The following ARHGAP15 variants were observed in gnomAD, a reference collection of about 807,000 sequenced individuals.
The protein encoded by ARHGAP15 is rho GTPase-activating protein 15.
ARHGAP15 carries 51 observed loss-of-function variants against 63.7 expected under a neutral mutation model. The observed-to-expected ratio is 0.80, with a 90% CI of 0.64 to 1.01. The LOEUF is 1.01. Ranked by LOEUF, ARHGAP15 falls within the 50% of genes least tolerant of loss-of-function variation. The probability of loss-of-function intolerance (pLI) is 0.00; values close to 1 mark genes in which losing one functional copy is unlikely to be tolerated. For missense variants in ARHGAP15, 560 were observed against 564.6 expected, an observed-to-expected ratio of 0.99 and a Z score of 0.08; for synonymous variants, 191 against 193.8, an observed-to-expected ratio of 0.99 and a Z score of 0.12.
At chr2:143,332,114 C>G (rs1428998263) in intron 6 of ARHGAP15, among the ~76,000 whole-genome samples, 1 of 152,096 alleles carries the variant, frequency 6.6e-6, no homozygotes, top group Non-Finnish European at 1.5e-5. Flanking sequence ...TAAAATTGTA[C>G]CCTTCCTTTC....
intron 5 of ARHGAP15, among the ~76,000 whole-genome samples, chr2:143,231,398 G>T (rs1693435633): frequency 6.6e-6 from 1 of 152,058 alleles, no homozygotes; most frequent in Non-Finnish European, 1.5e-5. Flanking sequence ...CATCATGCAT[G>T]ACCTCCAAAA....
intron 5 of ARHGAP15, among the ~76,000 whole-genome samples, chr2:143,249,762 A>G (rs1317158886): frequency 6.6e-6 from 1 of 152,130 alleles, no homozygotes; most frequent in Admixed American, 6.5e-5. Context: ...ATTATTGTGA[A>G]TTATTGAAAT....
chr2:143,652,381 G>A (rs568429062), intron 12 of ARHGAP15, among the ~76,000 whole-genome samples: 3 of 152,030 alleles, frequency 2.0e-5, no homozygotes, highest in South Asian at 2.1e-4. Flanking sequence ...GAAGTATACC[G>A]CAGGTCATAG....
chr2:143,321,998 CTAA>C (rs1558891650), intron 6 of ARHGAP15, among the ~76,000 whole-genome samples: 2 of 152,204 alleles, frequency 1.3e-5, no homozygotes, highest in East Asian at 3.8e-4. Flanking sequence ...GATACAAGCT[CTAA>C]TAATAATCAC....
chr2:143,706,715 C>G (rs1313442223), intron 13 of ARHGAP15: 1 of 152,156 alleles, frequency 6.6e-6, no homozygotes, highest in Non-Finnish European at 1.5e-5. Context: ...CTTAATCAAA[C>G]TCAGGGTCAA....
At chr2:143,730,794 C>T (rs926941481) in intron 13 of ARHGAP15, among the ~76,000 whole-genome samples, 12 of 143,064 alleles carry the variant, frequency 8.4e-5, no homozygotes, top group Admixed American at 8.1e-4. Flanking sequence ...CTTCCAGATA[C>T]ATATAGAAGG....
intron 11 of ARHGAP15, among the ~76,000 whole-genome samples, chr2:143,573,299 T>C (rs1396729517): frequency 6.6e-6 from 1 of 152,216 alleles, no homozygotes; most frequent in Admixed American, 6.5e-5. Flanking sequence ...TCTCTTGTTC[T>C]TCTAGAGAAA....
At chr2:143,734,682 T>C (rs1685676923) in intron 13 of ARHGAP15, among the ~76,000 whole-genome samples, 1 of 152,196 alleles carries the variant, frequency 6.6e-6, no homozygotes, top group African/African-American at 2.4e-5. Context: ...CTCATATAAT[T>C]TGATTTATTT....
At chr2:143,424,884 A>G (rs1161330775) in intron 6 of ARHGAP15, among the ~76,000 whole-genome samples, 3 of 152,104 alleles carry the variant, frequency 2.0e-5, no homozygotes. Flanking sequence ...GACCAATGAC[A>G]GGTATTCACT....
intron 2 of ARHGAP15, among the ~76,000 whole-genome samples, chr2:143,196,321 T>C (rs990314079): frequency 2.7e-4 from 41 of 152,022 alleles, no homozygotes; most frequent in African/African-American, 9.7e-4. Context: ...GTTTTTTCAA[T>C]GGTAGTTACA....
At chr2:143,613,718 T>C (rs1244926953) in intron 11 of ARHGAP15, among the ~76,000 whole-genome samples, 3 of 152,194 alleles carry the variant, frequency 2.0e-5, no homozygotes, top group African/African-American at 7.2e-5. Context: ...TCTGCACCTG[T>C]TTCTTATTAA....
intron 2 of ARHGAP15, among the ~76,000 whole-genome samples, chr2:143,163,985 G>A (rs567216110): frequency 3.3e-5 from 5 of 152,100 alleles, no homozygotes; most frequent in South Asian, 2.1e-4. Flanking sequence ...ATCCCTAAAC[G>A]GTTGATTAGC....
intron 6 of ARHGAP15, among the ~76,000 whole-genome samples, chr2:143,260,195 T>C (rs1680648746): frequency 6.6e-6 from 1 of 152,176 alleles, no homozygotes; most frequent in South Asian, 2.1e-4. Context: ...ATTATTCAGT[T>C]CACATCGCAC....
chr2:143,209,185 A>C (rs1692472438), intron 3 of ARHGAP15, among the ~76,000 whole-genome samples: 1 of 151,802 alleles, frequency 6.6e-6, no homozygotes, highest in African/African-American at 2.4e-5. Context: ...CTGCTGAAAA[A>C]CTCTAAAAGC....
intron 8 of ARHGAP15, among the ~76,000 whole-genome samples, chr2:143,458,772 A>G (rs376508940): frequency 6.6e-6 from 1 of 152,158 alleles, no homozygotes; most frequent in South Asian, 2.1e-4. Context: ...CTGTTTTGAC[A>G]TTTTCATAGT....
At chr2:143,574,433 C>G (rs1696586629) in intron 11 of ARHGAP15, among the ~76,000 whole-genome samples, 1 of 151,698 alleles carries the variant, frequency 6.6e-6, no homozygotes, top group South Asian at 2.1e-4. Flanking sequence ...GAGCCACAGT[C>G]TTTAGGATTT....
chr2:143,612,979 C>T (rs980772900), intron 11 of ARHGAP15, among the ~76,000 whole-genome samples: 1 of 152,206 alleles, frequency 6.6e-6, no homozygotes, highest in African/African-American at 2.4e-5. Context: ...CTACAATGCT[C>T]AATGACGCTT....
rs141635078 is a variant in ARHGAP15 at position 143,469,137 on chromosome 2, A to G, written c.704-18236A>G. On this transcript the variant is annotated intron_variant, in intron 8 of 13. Transcript: ENST00000295095. ...CTTTAGAAGCTTTATAACTGTCTCA[A>G]GCACAGACTATAAACTTCAAATACC... 1.4e-3 allele frequency among the ~76,000 whole-genome samples: 207 copies of G among 152,322 alleles called. 2 individuals are homozygous for G. Among genetic ancestry groups the G allele is most frequent in the Non-Finnish European group, 6.0e-4 (41 of 68,026 alleles).
chr2:143,499,267 C>T (rs1692950547), intron 9 of ARHGAP15, among the ~76,000 whole-genome samples: 1 of 152,178 alleles, frequency 6.6e-6, no homozygotes, highest in Non-Finnish European at 1.5e-5. Context: ...ATGGTTAGAG[C>T]TTAACTTGTT....
Sources: allele counts gnomAD v4.1 joint callset (sites outside exome capture counted in the v4.1 genomes callset), GRCh38; gene constraint gnomAD v4.1.1; transcripts MANE v1.5; gene names NCBI Gene and HGNC (gene_info 2026-07-23, HGNC 2026-07-21).